The following UGT1A8 variants were observed in gnomAD, a reference collection of about 807,000 sequenced individuals.
UGT1A8 encodes the protein UDP glucuronosyltransferase family 1 member A8.
A neutral mutation model predicts 45.3 loss-of-function variants in UGT1A8; 39 were observed. The ratio of observed to expected loss-of-function variants is 0.86; its 90% CI spans 0.67 to 1.12. The LOEUF is 1.12. Among genes scored for constraint, UGT1A8 ranks in the 50% most tolerant of loss-of-function variants. UGT1A8 has a pLI of 0.00. For synonymous variants in UGT1A8, 275 were observed against 249.2 expected, an observed-to-expected ratio of 1.10 and a Z score of -0.97; for missense variants, 719 against 664.9, an observed-to-expected ratio of 1.08 and a Z score of -0.90.
intron 1 of UGT1A8, among the ~76,000 whole-genome samples, chr2:233,635,999 G>A (rs1466967837): frequency 2.0e-5 from 3 of 150,896 alleles, no homozygotes; most frequent in Non-Finnish European, 4.4e-5. Flanking sequence ...AACCAGCAAT[G>A]ATTATGCATT....
intron 1 of UGT1A8, among the ~76,000 whole-genome samples, chr2:233,640,610 G>T (rs918337015): frequency 6.6e-6 from 1 of 152,068 alleles, no homozygotes; most frequent in African/African-American, 2.4e-5. Flanking sequence ...TTTTATGAGG[G>T]TGTCAAGACC....
At chr2:233,726,064 G>T (rs1467420011) in intron 1 of UGT1A8, among the ~76,000 whole-genome samples, 7 of 152,132 alleles carry the variant, frequency 4.6e-5, no homozygotes, top group Admixed American at 4.6e-4. Flanking sequence ...TACTCAGGAG[G>T]CTGAGGCAGG....
chr2:233,638,116 C>T (rs2073350715), intron 1 of UGT1A8, among the ~76,000 whole-genome samples: 1 of 152,094 alleles, frequency 6.6e-6, no homozygotes. Flanking sequence ...ACAGGGTTTT[C>T]CTGAATTGAG....
At chr2:233,703,318 C>T (rs2075732558) in intron 1 of UGT1A8, among the ~76,000 whole-genome samples, 1 of 147,010 alleles carries the variant, frequency 6.8e-6, no homozygotes, top group Non-Finnish European at 1.5e-5. Flanking sequence ...ATATTTTTAG[C>T]AATTTTGAGT....
At position 233,744,967 on chromosome 2, in the gene UGT1A8, CTTT is replaced by C. The variant is rs1270032038; in HGVS notation, c.856-22066_856-22064del. On this transcript the variant is annotated intron_variant, in intron 1 of 4. Transcript: ENST00000373450. ...TTGTATATAACCTACCAATATCCTTCTTTAAGCCTCTAGTCATCTCTTGATTAC... is the reference window on the plus strand; with the variant it reads ...TTGTATATAACCTACCAATATCCTTCAAGCCTCTAGTCATCTCTTGATTAC... Among the ~76,000 whole-genome samples the C allele has an allele frequency of 3.3e-5, 5 of 151,902 alleles. No individual in the cohort carries two copies. In the East Asian group the frequency reaches 9.6e-4, roughly 29 times the overall value.
At chr2:233,723,536 T>TTA (rs1553611580) in intron 1 of UGT1A8, among the ~76,000 whole-genome samples, 38,386 of 120,724 alleles carry the variant, frequency 0.32, 7,068 homozygotes, top group South Asian at 0.41. Flanking sequence ...TTTTTTTTTT[T>TTA]AATTTATTTT....
rs961447661 is a variant in UGT1A8 at position 233,681,811 on chromosome 2, A to G, written c.855+63249A>G. ...AGTAAATCATTGGCAGTGAATGTGA[A>G]TTTTTTTTTAAATGAATGAATAAGT... On this transcript the variant is annotated intron_variant, in intron 1 of 4. Transcript: ENST00000373450. 4.0e-6 allele frequency: 6 copies of G among 1,488,146 alleles called. No individual in the cohort carries two copies. In the Admixed American group the frequency reaches 1.4e-4, roughly 35 times the overall value. The allele number at this position is 1,488,146 out of a possible 1,614,324, so 92.2% of individuals were successfully genotyped here.
At chr2:233,713,867 T>C (rs2076352815) in intron 1 of UGT1A8, 2 of 1,613,882 alleles carry the variant, frequency 1.2e-6, no homozygotes, top group Non-Finnish European at 1.7e-6. Flanking sequence ...AGGTCTGTAT[T>C]GGTGCCTTTA....
In UGT1A8 at chr2:233,769,590, G is replaced by A; in HGVS notation, c.1295+1151G>A. On this transcript the variant is annotated intron_variant, in intron 4 of 4. Coordinates refer to ENST00000373450, the MANE Select transcript of UGT1A8 (RefSeq NM_019076.5). This position sits in a 1 kb window ranked among gnomAD's most constrained non-coding sequence, Gnocchi z 4.4. Reference sequence around the variant, plus strand: ...GCTGGAGCATGTTCAGATGAGAGGAGACGGAACACGGGGACACACCAGCTT... The same window carrying A: ...GCTGGAGCATGTTCAGATGAGAGGAAACGGAACACGGGGACACACCAGCTT... 6.2e-7 allele frequency: 1 copy of A among 1,612,882 alleles called. No individual in the cohort carries two copies. Among genetic ancestry groups the A allele is most frequent in the African/African-American group, 1.3e-5 (1 of 75,046 alleles).
intron 1 of UGT1A8, among the ~76,000 whole-genome samples, chr2:233,764,833 G>C (rs1171416505): frequency 3.9e-5 from 6 of 151,966 alleles, no homozygotes; most frequent in African/African-American, 1.2e-4. Flanking sequence ...TGGTGGTGGG[G>C]AGGATGACTC....
intron 1 of UGT1A8, among the ~76,000 whole-genome samples, chr2:233,759,704 G>A (rs891688930): frequency 3.4e-4 from 52 of 151,494 alleles, no homozygotes; most frequent in African/African-American, 1.2e-3. Flanking sequence ...CTCATGGCGC[G>A]TGCTCGTGTG....
intron 1 of UGT1A8, among the ~76,000 whole-genome samples, chr2:233,761,536 A>G (rs1039884807): frequency 6.6e-6 from 1 of 152,248 alleles, no homozygotes; most frequent in Non-Finnish European, 1.5e-5. Context: ...TGATGAAATC[A>G]TTCTTTGATG....
At chr2:233,681,650 T>C (rs1489266974) in intron 1 of UGT1A8, among the ~76,000 whole-genome samples, 2 of 152,178 alleles carry the variant, frequency 1.3e-5, no homozygotes, top group East Asian at 1.9e-4. Flanking sequence ...CCAAAAGCAT[T>C]GCTTAATAAT....
rs1314353678 is a variant in UGT1A8 at position 233,681,955 on chromosome 2, G to T, written c.855+63393G>T. On this transcript the variant is annotated intron_variant, in intron 1 of 4. Transcript: ENST00000373450. Reference sequence around the variant, plus strand: ...GTTCTCTGATGGCTCGTGCAGGGTGGACTGGCCTCCTTCCCCTATATGTGT... The same window carrying T: ...GTTCTCTGATGGCTCGTGCAGGGTGTACTGGCCTCCTTCCCCTATATGTGT... 12 of 1,613,914 alleles carry T rather than the reference G, an allele frequency of 7.4e-6. No individual in the cohort carries two copies. The highest frequency in any genetic ancestry group is 1.0e-5 in the Non-Finnish European group (12 of 1,179,862).
chr2:233,684,715 A>G (rs2074695143), intron 1 of UGT1A8, among the ~76,000 whole-genome samples: 1 of 151,992 alleles, frequency 6.6e-6, no homozygotes, highest in East Asian at 1.9e-4. Flanking sequence ...ATTAATGTAT[A>G]TATTTATAAA....
chr2:233,648,360 C>T (rs565537545), intron 1 of UGT1A8: 3 of 408,184 alleles, frequency 7.3e-6, no homozygotes, highest in East Asian at 5.6e-5. Context: ...TTTGACATTA[C>T]CTTGAAGAAG....
intron 4 of UGT1A8, chr2:233,770,249 C>T (rs1368624656): frequency 1.3e-5 from 2 of 152,160 alleles, no homozygotes; most frequent in Non-Finnish European, 2.9e-5. Flanking sequence ...TTCCAACACT[C>T]TGAGCTGGGG....
intron 1 of UGT1A8, among the ~76,000 whole-genome samples, chr2:233,632,215 C>A (rs950555180): frequency 2.0e-5 from 3 of 152,100 alleles, no homozygotes; most frequent in Non-Finnish European, 4.4e-5. Flanking sequence ...GGTACAAGTA[C>A]CATGCTGTTT....
chr2:233,644,134 A>G (rs569497279), intron 1 of UGT1A8, among the ~76,000 whole-genome samples: 23 of 152,116 alleles, frequency 1.5e-4, no homozygotes, highest in South Asian at 1.5e-3. Flanking sequence ...CTCACCTAAG[A>G]GTTGCAATCT....
Sources: gnomAD v4.1 joint callset for allele counts (sites outside exome capture counted in the v4.1 genomes callset) on GRCh38, gnomAD v4.1.1 for gene constraint, Gnocchi (gnomAD v3.1) non-coding constraint, MANE v1.5 for transcripts, NCBI Gene and HGNC (gene_info 2026-07-23, HGNC 2026-07-21) for gene names.